The following HIBADH variants were observed in gnomAD, a reference collection of about 807,000 sequenced individuals.
HIBADH encodes the protein 3-hydroxyisobutyrate dehydrogenase, mitochondrial.
A neutral mutation model predicts 36.1 loss-of-function variants in HIBADH; 25 were observed. The ratio of observed to expected loss-of-function variants is 0.69; its 90% confidence interval spans 0.50 to 0.97. The LOEUF (loss-of-function observed/expected upper bound fraction) is 0.97, where lower values mean the gene tolerates loss of function less well. Among genes scored for constraint, HIBADH ranks in the 50% least tolerant of loss-of-function variants. The probability of loss-of-function intolerance (pLI) is 0.00; values close to 1 mark genes in which losing one functional copy is unlikely to be tolerated. For synonymous variants in HIBADH, 160 were observed against 149.5 expected, an observed-to-expected ratio of 1.07 and a Z score of -0.51; for missense variants, 421 against 418.0, an observed-to-expected ratio of 1.01 and a Z score of -0.06.
At position 27,662,829 on chromosome 7, in the gene HIBADH, C is replaced by G; in HGVS notation, c.-41G>C. ...CTCCCCGCGGTGACCTCCGCCGCCT[C>G]CCGGAGGGCCCACAGACTGCGAGCG... is the stretch of plus-strand genomic sequence containing the variant. On this transcript the variant is annotated 5_prime_UTR_variant, in exon 1 of 8. Transcript: ENST00000265395. 4.3e-6 allele frequency: 6 copies of G among 1,404,804 alleles called. No homozygotes were observed. Among genetic ancestry groups the G allele is most frequent in the Non-Finnish European group, 5.7e-6 (6 of 1,056,870 alleles). The allele number at this position is 1,404,804 out of a possible 1,614,324, so 87.0% of individuals were successfully genotyped here. A position where few individuals can be genotyped will look rare whatever the true frequency, so the allele number is the denominator to read the frequency against.
intron 6 of HIBADH, among the ~76,000 whole-genome samples, chr7:27,536,737 G>A (rs943452906): frequency 1.3e-5 from 2 of 152,080 alleles, no homozygotes; most frequent in African/African-American, 4.8e-5. Flanking sequence ...TATAGTAAGA[G>A]TTCTGACAGG....
intron 6 of HIBADH, among the ~76,000 whole-genome samples, chr7:27,533,310 G>A (rs1784028359): frequency 6.6e-6 from 1 of 152,120 alleles, no homozygotes; most frequent in Non-Finnish European, 1.5e-5. Context: ...GGTATTGATT[G>A]ATGGAAACCC....
intron 4 of HIBADH, among the ~76,000 whole-genome samples, chr7:27,587,369 T>G (rs1390795678): frequency 2.0e-5 from 3 of 152,124 alleles, no homozygotes; most frequent in African/African-American, 7.2e-5. Flanking sequence ...TGACAGATGA[T>G]TTTACTACCA....
chr7:27,628,372 C>T (rs1785685610), intron 4 of HIBADH, among the ~76,000 whole-genome samples: 1 of 152,036 alleles, frequency 6.6e-6, no homozygotes, highest in Admixed American at 6.5e-5. Context: ...CTAAAGCCCA[C>T]AATCAAGTTT....
At chr7:27,614,366 G>C (rs1352772206) in intron 4 of HIBADH, among the ~76,000 whole-genome samples, 2 of 152,060 alleles carry the variant, frequency 1.3e-5, no homozygotes, top group African/African-American at 4.8e-5. Context: ...TTCACAGAGA[G>C]GTAAATAATC....
At chr7:27,658,511 T>G (rs1368529919) in intron 1 of HIBADH, among the ~76,000 whole-genome samples, 2 of 152,144 alleles carry the variant, frequency 1.3e-5, no homozygotes, top group Non-Finnish European at 2.9e-5. Flanking sequence ...TAACCTTAAG[T>G]GCTATCAAAA....
chr7:27,550,518 G>A (rs762160700), intron 4 of HIBADH, among the ~76,000 whole-genome samples: 3 of 149,830 alleles, frequency 2.0e-5, no homozygotes, highest in Non-Finnish European at 4.5e-5. Context: ...AATGTGCAAT[G>A]ATTTTTCATG....
chr7:27,586,872 GCTCT>G (rs1176071922), intron 4 of HIBADH, among the ~76,000 whole-genome samples: 3 of 152,150 alleles, frequency 2.0e-5, no homozygotes, highest in African/African-American at 2.4e-5. Flanking sequence ...TTATAAAAAG[GCTCT>G]CTAACAGGGC....
intron 4 of HIBADH, among the ~76,000 whole-genome samples, chr7:27,584,733 T>C (rs773126359): frequency 5.3e-5 from 8 of 152,050 alleles, no homozygotes; most frequent in Non-Finnish European, 1.2e-4. Flanking sequence ...GTACTCAACA[T>C]TAAGATTTAA....
chr7:27,605,256 G>A (rs1361027425), intron 4 of HIBADH, among the ~76,000 whole-genome samples: 1 of 151,722 alleles, frequency 6.6e-6, no homozygotes, highest in South Asian at 2.1e-4. Context: ...TTTAAAATGA[G>A]CTGATTCAAA....
In HIBADH at chr7:27,662,764, C is replaced by T; in HGVS notation, c.25G>A (p.Gly9Arg). 6.9e-7 allele frequency: 1 copy of T among 1,449,984 alleles called. No homozygotes were observed. The highest frequency in any genetic ancestry group is 3.0e-5 in the East Asian group (1 of 33,026). The allele number at this position is 1,449,984 out of a possible 1,614,324, so 89.8% of individuals were successfully genotyped here. A position where few individuals can be genotyped will look rare whatever the true frequency, so the allele number is the denominator to read the frequency against. ...CAGTACCGGAGACCGGAGGCAGCTC[C>T]GAGGAGCCGTAAGGAGGCTGCCATG... MAASLRLL[G>R]AASGLRYWSR... Residue 9 changes from glycine to arginine, a missense_variant, in exon 1 of 8, where the codon GGA becomes AGA. Physicochemically the swap from Gly to Arg is moderately radical, Grantham distance 125. Coordinates refer to ENST00000265395, the MANE Select transcript of HIBADH (RefSeq NM_152740.4).
intron 3 of HIBADH, among the ~76,000 whole-genome samples, chr7:27,630,047 A>T (rs1408669022): frequency 2.0e-5 from 3 of 152,156 alleles, no homozygotes; most frequent in Non-Finnish European, 2.9e-5. Context: ...ATAAAATATC[A>T]AGCAGGTAGA....
At chr7:27,566,887 G>A (rs1171221257) in intron 4 of HIBADH, among the ~76,000 whole-genome samples, 1 of 152,052 alleles carries the variant, frequency 6.6e-6, no homozygotes, top group African/African-American at 2.4e-5. Context: ...AAATCTTTAT[G>A]ATTAAAGAAT....
intron 4 of HIBADH, among the ~76,000 whole-genome samples, chr7:27,606,685 G>T (rs2128291149): frequency 6.6e-6 from 1 of 152,270 alleles, no homozygotes; most frequent in South Asian, 2.1e-4. Context: ...CATATGGGTA[G>T]CAGTCAGCTC....
At chr7:27,564,697 T>G (rs1436670520) in intron 4 of HIBADH, among the ~76,000 whole-genome samples, 1 of 152,214 alleles carries the variant, frequency 6.6e-6, no homozygotes, top group Non-Finnish European at 1.5e-5. Flanking sequence ...CAATAAAAAG[T>G]AATAGTGCTA....
intron 4 of HIBADH, among the ~76,000 whole-genome samples, chr7:27,614,997 G>A (rs1413812098): frequency 6.6e-6 from 1 of 152,130 alleles, no homozygotes; most frequent in Non-Finnish European, 1.5e-5. Context: ...TTCTTCTCGT[G>A]TGAATCTAAA....
chr7:27,657,921 A>G (rs1786336234), intron 1 of HIBADH, among the ~76,000 whole-genome samples: 1 of 152,194 alleles, frequency 6.6e-6, no homozygotes, highest in African/African-American at 2.4e-5. Context: ...AGCGTTAAAC[A>G]GTGCCTGGCA....
At chr7:27,616,921 T>C (rs1464256664) in intron 4 of HIBADH, among the ~76,000 whole-genome samples, 2 of 152,196 alleles carry the variant, frequency 1.3e-5, no homozygotes, top group East Asian at 1.9e-4. Flanking sequence ...AGTCAGAAAG[T>C]TTTTTAGAAA....
intron 1 of HIBADH, among the ~76,000 whole-genome samples, chr7:27,656,944 G>C (rs967896839): frequency 6.6e-6 from 1 of 152,164 alleles, no homozygotes; most frequent in Non-Finnish European, 1.5e-5. Flanking sequence ...ATTGCAGGTT[G>C]ACTCTCCAAT....
Sources: gnomAD v4.1 joint callset for allele counts (sites outside exome capture counted in the v4.1 genomes callset) on GRCh38, gnomAD v4.1.1 for gene constraint, MANE v1.5 for transcripts, NCBI Gene and HGNC (gene_info 2026-07-23, HGNC 2026-07-21) for gene names.